The following AANAT variants were observed in gnomAD, a reference collection of about 807,000 sequenced individuals.
AANAT encodes aralkylamine N-acetyltransferase.
A neutral mutation model predicts 15.6 loss-of-function variants in AANAT; 11 were observed. That is an observed-to-expected ratio of 0.71 (90% CI 0.44 to 1.17). AANAT has a LOEUF of 1.17. Among genes scored for constraint, AANAT ranks in the 50% most tolerant of loss-of-function variants. AANAT has a pLI of 0.00. For synonymous variants in AANAT, 139 were observed against 131.5 expected, an observed-to-expected ratio of 1.06 and a Z score of -0.39; for missense variants, 286 against 296.3, an observed-to-expected ratio of 0.97 and a Z score of 0.26.
At chr17:76,467,846 T>A (rs1375682667) in intron 1 of AANAT, 119 bp downstream of exon 1, 1 of 650,258 alleles carries the variant, frequency 1.5e-6, no homozygotes, top group Non-Finnish European at 1.9e-6. Flanking sequence ...TCTTGGAAGG[T>A]GGAGGGAGGG....
intron 2 of AANAT, among the ~76,000 whole-genome samples, chr17:76,461,865 G>A (rs1045721592): frequency 6.6e-6 from 1 of 152,102 alleles, no homozygotes; most frequent in Non-Finnish European, 1.5e-5. Context: ...AAAGAAACTC[G>A]CCTCCTGAAG....
chr17:76,468,953 C>T (rs2073475133), intron 2 of AANAT, 44 bp downstream of exon 2: 1 of 1,584,332 alleles, frequency 6.3e-7, no homozygotes, highest in Non-Finnish European at 8.6e-7. Flanking sequence ...CCACTCTGGT[C>T]CAGTTATCCT....
Position 76,469,330 on chromosome 17 carries a change from G to C in AANAT, c.318+3G>C. 1 of 1,613,874 alleles carries C rather than the reference G, an allele frequency of 6.2e-7. No individual in the cohort carries two copies. Among genetic ancestry groups the C allele is most frequent in the African/African-American group, 1.3e-5 (1 of 75,056 alleles). On this transcript the variant is annotated splice_donor_region_variant and intron_variant, in intron 3 of 3. Coordinates refer to ENST00000392492, the MANE Select transcript of AANAT (RefSeq NM_001088.3). This position sits in a 1 kb window ranked among gnomAD's most constrained non-coding sequence, Gnocchi z 5.2. Reference sequence around the variant, plus strand: ...GGGACAAGGAGAGACTCATGCAGGTGAGGACAGGGCTGCGACGCCCAGCTC... The same window carrying C: ...GGGACAAGGAGAGACTCATGCAGGTCAGGACAGGGCTGCGACGCCCAGCTC...
At chr17:76,462,922 G>A (rs1040177369), upstream of AANAT, among the ~76,000 whole-genome samples, 1 of 152,222 alleles carries the variant, frequency 6.6e-6, no homozygotes, top group Non-Finnish European at 1.5e-5. Context: ...GTGTCCCTGG[G>A]ACATGGCCAT....
chr17:76,460,609 C>G (rs2073379564), intron 2 of AANAT, among the ~76,000 whole-genome samples: 1 of 152,136 alleles, frequency 6.6e-6, no homozygotes, highest in African/African-American at 2.4e-5. Context: ...CCTCTTTTGG[C>G]TTTTTAAAAT....
chr17:76,467,558 G>C (rs1033693820), upstream of AANAT: 205 of 985,420 alleles, frequency 2.1e-4, no homozygotes, highest in Non-Finnish European at 2.4e-4. Context: ...CGAGAGGTGG[G>C]GTGGGGGGAT....
At chr17:76,468,394 G>A in intron 1 of AANAT, among the ~76,000 whole-genome samples, 1 of 152,208 alleles carries the variant, frequency 6.6e-6, no homozygotes, top group East Asian at 1.9e-4. Context: ...CTGGGGCTCA[G>A]AAGCACCCAG....
At position 76,469,803 on chromosome 17, in the gene AANAT, G is replaced by T. The variant is rs576095033; in HGVS notation, c.457G>T (p.Val153Leu). Residue 153 changes from valine to leucine, a missense_variant, in exon 4 of 4, where the codon GTG (valine) becomes TTG (leucine). Transcript: ENST00000392492. The surrounding 1 kb of genome is among the most constrained non-coding windows in gnomAD (Gnocchi z 5.2). ...GCACCACCTGGGCAGCCAGCCGGCC[G>T]TGCGCCGGGCCGCGCTCATGTGCGA... Reference protein sequence around the residue: ...YLHHLGSQPAVRRAALMCEDA... With the variant: ...YLHHLGSQPALRRAALMCEDA... 6 of 1,601,688 alleles carry T rather than the reference G, an allele frequency of 3.7e-6. No individual in the cohort carries two copies. Among genetic ancestry groups the T allele is most frequent in the Admixed American group, 1.7e-5 (1 of 58,686 alleles).
chr17:76,461,605 CAAAAAAA>C (rs10578887), intron 2 of AANAT, among the ~76,000 whole-genome samples: 14 of 52,878 alleles, frequency 2.6e-4, no homozygotes, highest in Admixed American at 1.1e-3. Context: ...GAGCCTCCAC[CAAAAAAA>C]AAAAAAAAAA....
rs117124973 is a variant in AANAT at position 76,456,590 on chromosome 17, A to G, written c.-575-2657A>G. Among the ~76,000 whole-genome samples, 105 of 152,248 alleles carry G rather than the reference A, an allele frequency of 6.9e-4. 1 individual carries two copies. The Middle Eastern group carries it at 0.01, about 15-fold the overall frequency. ...CTTCCCATCCCAGAACACAATGCCA[A>G]ATGACCATCTGGAATCACTGCTGTA... On this transcript the variant is annotated intron_variant, in intron 1 of 6. Coordinates refer to the AANAT transcript ENST00000250615.
At chr17:76,463,309 C>CTTTTTTTTTTTTTTTTTTT, upstream of AANAT, among the ~76,000 whole-genome samples, 1 of 111,948 alleles carries the variant, frequency 8.9e-6, no homozygotes, top group East Asian at 2.5e-4. Context: ...GGAAGGATTC[C>CTTTTTTTTTTTTTTTTTTT]TTTTTTTTTT....
chr17:76,466,288 G>C, upstream of AANAT: 2 of 1,449,476 alleles, frequency 1.4e-6, no homozygotes, highest in Non-Finnish European at 1.8e-6. Context: ...CAAGCCCAAG[G>C]AGGTCTCTGG....
intron 1 of AANAT, 66 bp from the exon 2 acceptor site, chr17:76,468,606 C>T (rs1016697744): frequency 7.2e-7 from 1 of 1,396,686 alleles, no homozygotes; most frequent in South Asian, 1.4e-5. Context: ...AGGCCAGATA[C>T]ATACTCTGGG....
At chr17:76,457,533 T>G (rs2073352567) in intron 1 of AANAT, among the ~76,000 whole-genome samples, 1 of 152,240 alleles carries the variant, frequency 6.6e-6, no homozygotes, top group Non-Finnish European at 1.5e-5. Context: ...TAGCTATCAC[T>G]TATTGAGCTG....
At chr17:76,467,909 G>A (rs1416268304) in intron 1 of AANAT, among the ~76,000 whole-genome samples, 182 bp downstream of exon 1, 2 of 152,144 alleles carry the variant, frequency 1.3e-5, no homozygotes. Flanking sequence ...AGACAAGAGT[G>A]CCCAGAGGGG....
At position 76,469,062 on chromosome 17, in the gene AANAT, C is replaced by T. The variant is rs1021076542; in HGVS notation, c.164-111C>T. 5.9e-6 allele frequency: 9 copies of T among 1,522,316 alleles called. No homozygotes were observed. The highest frequency in any genetic ancestry group is 7.2e-6 in the Non-Finnish European group (8 of 1,114,998). The allele number at this position is 1,522,316 out of a possible 1,614,324, so 94.3% of individuals were successfully genotyped here. A position where few individuals can be genotyped will look rare whatever the true frequency, so the allele number is the denominator to read the frequency against. Reference sequence around the variant, plus strand: ...AAAGTGGGGGAAACAGCAGCCCTAACCCCCATTTTCCTGTGGGGAACGGGG... The same window carrying T: ...AAAGTGGGGGAAACAGCAGCCCTAATCCCCATTTTCCTGTGGGGAACGGGG... On this transcript the variant is annotated intron_variant, in intron 2 of 3. Transcript: ENST00000392492. The surrounding 1 kb of genome is among the most constrained non-coding windows in gnomAD (Gnocchi z 5.2).
upstream of AANAT, among the ~76,000 whole-genome samples, chr17:76,462,973 G>A (rs1338870749): frequency 6.6e-6 from 1 of 152,236 alleles, no homozygotes; most frequent in East Asian, 1.9e-4. Flanking sequence ...GCTCCCTTCA[G>A]TCTGGGTGTG....
At chr17:76,468,950 G>A in intron 2 of AANAT, 41 bp downstream of exon 2, 1 of 1,588,914 alleles carries the variant, frequency 6.3e-7, no homozygotes, top group Non-Finnish European at 8.6e-7. Context: ...GCTCCACTCT[G>A]GTCCAGTTAT....
At chr17:76,465,017 G>A (rs1431143765), upstream of AANAT, among the ~76,000 whole-genome samples, 2 of 151,300 alleles carry the variant, frequency 1.3e-5, no homozygotes, top group East Asian at 2.0e-4. Context: ...GGCTGGTCTC[G>A]AACTCTTGAC....
Sources: gnomAD v4.1 joint callset for allele counts (sites outside exome capture counted in the v4.1 genomes callset) on GRCh38, gnomAD v4.1.1 for gene constraint, Gnocchi (gnomAD v3.1) non-coding constraint, MANE v1.5 for transcripts, NCBI Gene and HGNC (gene_info 2026-07-23, HGNC 2026-07-21) for gene names.